BRINP2: variants seen among roughly 807,000 people sequenced by gnomAD.
BRINP2 encodes BMP/retinoic acid inducible neural specific 2.
Under a neutral mutation model 69.2 loss-of-function variants are expected in BRINP2, and 21 were observed. The ratio of observed to expected loss-of-function variants is 0.30; its 90% CI spans 0.22 to 0.44. The LOEUF (loss-of-function observed/expected upper bound fraction) is 0.44. Among genes scored for constraint, BRINP2 ranks in the 20% least tolerant of loss-of-function variants. The pLI is 1.00. For synonymous variants in BRINP2, 380 were observed against 394.1 expected (o/e 0.96, Z 0.42); for missense variants, 877 against 986.0 (o/e 0.89, Z 1.48).
At chr1:177,173,537 G>A (rs1648002165) in intron 1 of BRINP2, among the ~76,000 whole-genome samples, 1 of 152,156 alleles carries the variant, frequency 6.6e-6, no homozygotes, top group Non-Finnish European at 1.5e-5. Flanking sequence ...CAAGAAAGGA[G>A]GTGAGGAGAA....
intron 1 of BRINP2, among the ~76,000 whole-genome samples, chr1:177,189,969 G>T (rs914096054): frequency 1.3e-5 from 2 of 152,212 alleles, no homozygotes; most frequent in African/African-American, 4.8e-5. Context: ...ATGGAGCTTG[G>T]TAACAGGTGG....
rs1362063207 is a variant in BRINP2, at chr1:177,171,307, G to T, written c.-502G>T. ...GGTTTCTCCTCGGCGGAGGGACAGG[G>T]GACTCCCCCAGTTGGGTCTTGCACT... On this transcript the variant is annotated 5_prime_UTR_variant, in exon 1 of 8. Transcript: ENST00000361539. 6.6e-6 allele frequency among the ~76,000 whole-genome samples: 1 copy of T among 152,146 alleles called. No individual in the cohort carries two copies. The highest frequency in any genetic ancestry group is 2.4e-5 in the African/African-American group (1 of 41,434).
chr1:177,185,944 C>T lies in BRINP2; in HGVS notation c.-77+14212C>T, dbSNP rs375502244. On this transcript the variant is annotated intron_variant, in intron 1 of 7. Transcript: ENST00000361539. ...CAGGATACTCCTTTATACATGAAGGCCTGTGATCATTGCCCTTTATTCATC... is the reference window on the plus strand; with the variant it reads ...CAGGATACTCCTTTATACATGAAGGTCTGTGATCATTGCCCTTTATTCATC... Among the ~76,000 whole-genome samples the T allele has an allele frequency of 3.9e-5, 6 of 152,312 alleles. No individual in the cohort carries two copies. The East Asian group carries it at 9.6e-4, about 24-fold the overall frequency.
intron 1 of BRINP2, among the ~76,000 whole-genome samples, chr1:177,187,136 T>G (rs187381374): frequency 6.6e-6 from 1 of 152,302 alleles, no homozygotes; most frequent in Admixed American, 6.5e-5. Flanking sequence ...TATCAAGATC[T>G]TTGGAAAATC....
At chr1:177,264,603 A>T (rs917549289) in intron 4 of BRINP2, among the ~76,000 whole-genome samples, 1 of 152,224 alleles carries the variant, frequency 6.6e-6, no homozygotes, top group African/African-American at 2.4e-5. Flanking sequence ...AAGCAACTTT[A>T]GCAAAGTCTC....
chr1:177,202,605 G>A (rs1228820542), intron 1 of BRINP2, among the ~76,000 whole-genome samples: 1 of 152,192 alleles, frequency 6.6e-6, no homozygotes, highest in Non-Finnish European at 1.5e-5. Context: ...ATTTGCTGAA[G>A]AGTGTTTTAC....
intron 2 of BRINP2, among the ~76,000 whole-genome samples, chr1:177,231,284 A>C (rs1649856120): frequency 6.6e-5 from 10 of 152,248 alleles, no homozygotes; most frequent in Admixed American, 6.5e-4. Context: ...AAGCTAGTGA[A>C]TAGTGGAGCC....
At chr1:177,246,081 A>G (rs1394608311) in intron 2 of BRINP2, among the ~76,000 whole-genome samples, 1 of 152,178 alleles carries the variant, frequency 6.6e-6, no homozygotes, top group Non-Finnish European at 1.5e-5. Flanking sequence ...GATGGAGAGC[A>G]CCAGGACATC....
chr1:177,192,084 T>A (rs1648611949), intron 1 of BRINP2, among the ~76,000 whole-genome samples: 1 of 152,338 alleles, frequency 6.6e-6, no homozygotes, highest in African/African-American at 2.4e-5. Context: ...ATGGGAAACA[T>A]CTTTAAGTGT....
chr1:177,176,839 A>T (rs1294215070), intron 1 of BRINP2, among the ~76,000 whole-genome samples: 1 of 152,206 alleles, frequency 6.6e-6, no homozygotes, highest in Non-Finnish European at 1.5e-5. Flanking sequence ...CAGCTCACAT[A>T]CAAAGAGTGA....
At chr1:177,216,779 G>GTTTTTTTTT (rs35697447) in intron 1 of BRINP2, among the ~76,000 whole-genome samples, 1 of 126,600 alleles carries the variant, frequency 7.9e-6, no homozygotes, top group African/African-American at 2.9e-5. Flanking sequence ...TTGGTTGGTA[G>GTTTTTTTTT]TTTTTTTTTT....
rs1649241357 is a variant in BRINP2, at chr1:177,212,112, A to G, written c.-76-17689A>G. On this transcript the variant is annotated intron_variant, in intron 1 of 7. Transcript: ENST00000361539. ...AGATAGATAGATAGATAGATAGATG[A>G]TAGATAAAATGTGGCCTCATAGATT... is the stretch of plus-strand genomic sequence containing the variant. 2.0e-5 allele frequency among the ~76,000 whole-genome samples: 3 copies of G among 150,874 alleles called. No homozygotes were observed. In the South Asian group the frequency reaches 6.3e-4, roughly 32 times the overall value.
chr1:177,205,830 A>G (rs1028911388), intron 1 of BRINP2, among the ~76,000 whole-genome samples: 1 of 152,224 alleles, frequency 6.6e-6, no homozygotes, highest in African/African-American at 2.4e-5. Context: ...GTCTTCTCCT[A>G]TGTGACAGCT....
chr1:177,253,673 T>TA (rs1257877193), intron 2 of BRINP2, among the ~76,000 whole-genome samples: 1 of 152,108 alleles, frequency 6.6e-6, no homozygotes, highest in African/African-American at 2.4e-5. Flanking sequence ...TTTTGAGTCT[T>TA]ATGTTTAAGT....
intron 2 of BRINP2, among the ~76,000 whole-genome samples, chr1:177,249,210 T>C (rs1349300406): frequency 6.6e-6 from 1 of 152,164 alleles, no homozygotes; most frequent in Non-Finnish European, 1.5e-5. Context: ...CTGGACATTG[T>C]TTTGGTTTTT....
In BRINP2 at chr1:177,276,095, A is replaced by C. The variant is rs528556827; in HGVS notation, c.776-103A>C. 22 of 1,116,508 alleles carry C rather than the reference A, an allele frequency of 2.0e-5. No homozygotes were observed. In the Admixed American group the frequency reaches 4.0e-4, roughly 20 times the overall value. 69.2% of individuals were successfully genotyped at this position (1,116,508 alleles called of 1,614,324 possible). A position where few individuals can be genotyped will look rare whatever the true frequency, so the allele number is the denominator to read the frequency against. On this transcript the variant is annotated intron_variant, in intron 5 of 7. Transcript: ENST00000361539. ...GTGCCCATGCTTGGGCCCAGGATGC[A>C]CAAGTCAGCAGAACTCCAGCTGGGA... is the stretch of plus-strand genomic sequence containing the variant.
At position 177,227,610 on chromosome 1, in the gene BRINP2, GT is replaced by G. The variant is rs373470878; in HGVS notation, c.-76-2179del. On this transcript the variant is annotated intron_variant, in intron 1 of 7. Coordinates refer to ENST00000361539, the MANE Select transcript of BRINP2 (RefSeq NM_021165.4). ...GATTCCTCTTTTTAGTTTCAAAAGA[GT>G]TTTTTTTTTTTCATGGTAATGCATG... Among the ~76,000 whole-genome samples, 1,161 of 145,258 alleles carry G rather than the reference GT, an allele frequency of 8.0e-3. 10 individuals carry two copies. The highest frequency in any genetic ancestry group is 9.4e-3 in the Non-Finnish European group (621 of 65,816).
chr1:177,243,745 A>G (rs149100259), intron 2 of BRINP2, among the ~76,000 whole-genome samples: 10 of 152,324 alleles, frequency 6.6e-5, no homozygotes, highest in East Asian at 1.9e-4. Context: ...TCACACTCCA[A>G]TACAATTTAT....
chr1:177,199,055 A>C (rs1006106636), intron 1 of BRINP2, among the ~76,000 whole-genome samples: 42 of 152,194 alleles, frequency 2.8e-4, no homozygotes, highest in African/African-American at 8.9e-4. Flanking sequence ...GTAAGGAAAA[A>C]AAGCCACCCT....
Sources: allele counts gnomAD v4.1 joint callset (sites outside exome capture counted in the v4.1 genomes callset), GRCh38; gene constraint gnomAD v4.1.1; transcripts MANE v1.5; gene names NCBI Gene and HGNC (gene_info 2026-07-23, HGNC 2026-07-21).